The following VPS54 variants were observed in gnomAD, a reference collection of about 807,000 sequenced individuals.
VPS54 encodes vacuolar protein sorting-associated protein 54.
VPS54 carries 45 observed loss-of-function variants against 121.5 expected under a neutral mutation model. The observed-to-expected ratio is 0.37, with a 90% CI of 0.29 to 0.47. VPS54 has a LOEUF of 0.47. Ranked by LOEUF, VPS54 falls within the 20% of genes least tolerant of loss-of-function variation. The probability of loss-of-function intolerance (pLI) is 0.99; values close to 1 mark genes in which losing one functional copy is unlikely to be tolerated. For synonymous variants in VPS54, 371 were observed against 385.8 expected (o/e 0.96, Z 0.45); for missense variants, 1,090 against 1,131.4 (o/e 0.96, Z 0.52).
intron 3 of VPS54, 105 bp from the exon 4 acceptor site, chr2:63,972,349 C>T (rs991365285): frequency 2.9e-5 from 21 of 725,432 alleles, no homozygotes; most frequent in African/African-American, 8.8e-5. Flanking sequence ...ATTAGTCCTA[C>T]GACTTTTAAT....
At chr2:63,909,233 A>C in intron 20 of VPS54, among the ~76,000 whole-genome samples, 1 of 152,156 alleles carries the variant, frequency 6.6e-6, no homozygotes. Flanking sequence ...ATTGGAGGAC[A>C]AGATCAAAGG....
intron 1 of VPS54, among the ~76,000 whole-genome samples, chr2:64,010,804 T>C (rs998767642): frequency 2.6e-5 from 4 of 152,180 alleles, no homozygotes; most frequent in African/African-American, 9.7e-5. Context: ...TCTCAAGAAA[T>C]ACTAACATTG....
Position 63,893,403 on chromosome 2 carries a change from T to C in VPS54, c.*27A>G. On this transcript the variant is annotated 3_prime_UTR_variant, in exon 23 of 23. Transcript: ENST00000272322. ...ATAACAAACACATCCCATGGTCAGA[T>C]GAACTACCCAGTTTTCCAGGATGAC... 1 of 1,579,504 alleles carries C rather than the reference T, an allele frequency of 6.3e-7. No homozygotes were observed. Among genetic ancestry groups the C allele is most frequent in the Non-Finnish European group, 8.7e-7 (1 of 1,148,550 alleles).
chr2:63,956,316 T>C (rs1675488344), intron 7 of VPS54, among the ~76,000 whole-genome samples: 1 of 152,180 alleles, frequency 6.6e-6, no homozygotes, highest in African/African-American at 2.4e-5. Flanking sequence ...AATCTCACAG[T>C]GGCCACTGAT....
At position 63,943,970 on chromosome 2, in the gene VPS54, G is replaced by T. The variant is rs368636011; in HGVS notation, c.1301+630C>A. On this transcript the variant is annotated intron_variant, in intron 10 of 22. Coordinates refer to ENST00000272322, the MANE Select transcript of VPS54 (RefSeq NM_016516.3). The stretch of plus-strand genomic sequence containing the variant: ...TGGTCTCGAACTCTTGGGCTCAAGC[G>T]ATTCTCCCACCTCGGCCTCCCAAAG... 1.7e-4 allele frequency among the ~76,000 whole-genome samples: 25 copies of T among 151,226 alleles called. No homozygotes were observed. In the South Asian group the frequency reaches 4.0e-3, roughly 24 times the overall value.
intron 3 of VPS54, among the ~76,000 whole-genome samples, chr2:63,979,172 T>C (rs1012030660): frequency 1.3e-5 from 2 of 152,094 alleles, no homozygotes; most frequent in Non-Finnish European, 2.9e-5. Flanking sequence ...ATCAGCTTTT[T>C]GTTTCACTAA....
At chr2:63,934,059 T>C (rs1674342273) in intron 11 of VPS54, 46 bp from the exon 12 acceptor site, 3 of 1,512,118 alleles carry the variant, frequency 2.0e-6, no homozygotes, top group Non-Finnish European at 2.7e-6. Context: ...AAATGTCTCT[T>C]ACCTGAAGTT....
chr2:64,013,924 G>T (rs1244627325), intron 1 of VPS54, among the ~76,000 whole-genome samples: 1 of 151,784 alleles, frequency 6.6e-6, no homozygotes, highest in Non-Finnish European at 1.5e-5. Flanking sequence ...CAGGCGCGGT[G>T]GCTCACACCT....
intron 1 of VPS54, among the ~76,000 whole-genome samples, chr2:64,005,755 G>A (rs940593265): frequency 2.0e-5 from 3 of 152,224 alleles, no homozygotes; most frequent in South Asian, 2.1e-4. Flanking sequence ...AACTCACCCC[G>A]GTTGAGAACC....
rs1674338213 is a variant in VPS54 at position 63,933,976 on chromosome 2, A to G, written c.1436T>C (p.Val479Ala). The change falls in exon 12 of 23, where the codon GTT becomes GCT. Residue 479 changes from valine (V) to alanine (A), a missense_variant. Around this residue, in one of 2 missense-constraint regions of VPS54, gnomAD observed 801 missense variants for 757.0 expected, o/e 1.06. Coordinates refer to ENST00000272322, the MANE Select transcript of VPS54 (RefSeq NM_016516.3). ...LNIIHSVVLS[V>A]LDKNQRTREL... The stretch of plus-strand genomic sequence containing the variant: ...TCTAGTCCTTTGGTTTTTGTCAAGA[A>G]CTGAGAGAACAACACTGTGAATGAT... 6.2e-7 allele frequency: 1 copy of G among 1,613,382 alleles called. No homozygotes were observed. The highest frequency in any genetic ancestry group is 1.3e-5 in the African/African-American group (1 of 74,896).
At chr2:63,985,519 CACA>C (rs1677007140) in intron 1 of VPS54, among the ~76,000 whole-genome samples, 1 of 152,062 alleles carries the variant, frequency 6.6e-6, no homozygotes, top group South Asian at 2.1e-4. Flanking sequence ...TTTAAAAATA[CACA>C]AAGATAAACA....
chr2:64,014,899 T>C (rs1477032843), intron 1 of VPS54, among the ~76,000 whole-genome samples: 1 of 152,198 alleles, frequency 6.6e-6, no homozygotes, highest in Non-Finnish European at 1.5e-5. Context: ...TCAATTACCT[T>C]CTTTCATCAA....
At chr2:63,912,198 G>T in intron 20 of VPS54, 147 bp downstream of exon 20, 1 of 820,380 alleles carries the variant, frequency 1.2e-6, no homozygotes, top group Non-Finnish European at 1.8e-6. Context: ...ACATTTTCCT[G>T]AAAAAAAATT....
At chr2:63,950,693 T>A (rs935220062) in intron 7 of VPS54, among the ~76,000 whole-genome samples, 1 of 152,244 alleles carries the variant, frequency 6.6e-6, no homozygotes, top group African/African-American at 2.4e-5. Flanking sequence ...TGACTTCATT[T>A]GCACAAAACA....
At chr2:64,004,308 A>G (rs539586071) in intron 1 of VPS54, among the ~76,000 whole-genome samples, 61 of 152,340 alleles carry the variant, frequency 4.0e-4, no homozygotes, top group African/African-American at 1.4e-3. Context: ...GTAAAAGCTA[A>G]TTCAGGCAAA....
At chr2:63,898,609 C>G (rs1443908923) in intron 21 of VPS54, among the ~76,000 whole-genome samples, 2 of 152,042 alleles carry the variant, frequency 1.3e-5, no homozygotes, top group Admixed American at 1.3e-4. Flanking sequence ...TCCCAAATAC[C>G]ATTTCCACGC....
chr2:63,960,609 T>G (rs536376983), intron 7 of VPS54, among the ~76,000 whole-genome samples: 1 of 152,184 alleles, frequency 6.6e-6, no homozygotes, highest in Non-Finnish European at 1.5e-5. Context: ...ATCTATGGGA[T>G]ACTGGCTCCC....
At chr2:63,970,462 T>A (rs1044164236) in intron 4 of VPS54, among the ~76,000 whole-genome samples, 7 of 151,754 alleles carry the variant, frequency 4.6e-5, no homozygotes, top group African/African-American at 1.5e-4. Flanking sequence ...CAATAATCTA[T>A]CTCAAATCTT....
intron 12 of VPS54, among the ~76,000 whole-genome samples, chr2:63,929,169 T>C (rs1389427045): frequency 2.0e-5 from 3 of 152,168 alleles, no homozygotes; most frequent in Non-Finnish European, 2.9e-5. Flanking sequence ...ACGGACCTAA[T>C]AGACATCTGC....
Sources: gnomAD v4.1 joint callset for allele counts (sites outside exome capture counted in the v4.1 genomes callset) on GRCh38, gnomAD v4.1.1 for gene constraint, gnomAD v4.1.1 regional missense constraint, MANE v1.5 for transcripts, NCBI Gene and HGNC (gene_info 2026-07-23, HGNC 2026-07-21) for gene names.